The following FGD6 variants were observed in gnomAD, a reference collection of about 807,000 sequenced individuals.
The protein encoded by FGD6 is FYVE, RhoGEF and PH domain-containing protein 6.
Under a neutral mutation model 149.4 loss-of-function variants are expected in FGD6, and 90 were observed. That is an observed-to-expected ratio of 0.60 (90% confidence interval 0.51 to 0.72). The LOEUF (loss-of-function observed/expected upper bound fraction) is 0.72, where lower values mean the gene tolerates loss of function less well. Ranked by LOEUF, FGD6 falls within the 30% of genes least tolerant of loss-of-function variation. FGD6 has a pLI of 0.00. For missense variants in FGD6, 1,437 were observed against 1,684.8 expected, an observed-to-expected ratio of 0.85 and a Z score of 2.57; for synonymous variants, 527 against 584.0, an observed-to-expected ratio of 0.90 and a Z score of 1.41.
intron 2 of FGD6, among the ~76,000 whole-genome samples, chr12:95,195,962 A>G (rs188531079): frequency 2.6e-5 from 4 of 152,078 alleles, no homozygotes; most frequent in Admixed American, 2.0e-4. Flanking sequence ...TTTCTACTAA[A>G]TATATAAAAA....
intron 2 of FGD6, among the ~76,000 whole-genome samples, chr12:95,190,508 T>C (rs574671816): frequency 1.3e-4 from 20 of 152,312 alleles, no homozygotes; most frequent in African/African-American, 4.6e-4. Flanking sequence ...TAAAAGATTT[T>C]ATAGCTCTTA....
At chr12:95,162,162 G>C (rs972589820) in intron 3 of FGD6, among the ~76,000 whole-genome samples, 6 of 150,640 alleles carry the variant, frequency 4.0e-5, no homozygotes, top group Admixed American at 2.6e-4. Flanking sequence ...AATCACTTGA[G>C]AGACTGAGGT....
At chr12:95,089,480 C>T in intron 18 of FGD6, 89 bp downstream of exon 18, 2 of 1,441,082 alleles carry the variant, frequency 1.4e-6, no homozygotes, top group East Asian at 2.4e-5. Flanking sequence ...TGGGAAATGA[C>T]ATCTTCCTTT....
rs1314670821 is a variant in FGD6, at chr12:95,211,280, AAAT to A, written c.17-16_17-14del. On this transcript the variant is annotated splice_polypyrimidine_tract_variant and intron_variant, in intron 1 of 20. Transcript: ENST00000343958. ...GGCTTCTTTATCTCTAGAAAGGAAA[AAAT>A]AATAATTTGATGTCAAAACAACCAA... is the stretch of plus-strand genomic sequence containing the variant. 7 of 1,534,612 alleles carry A rather than the reference AAAT, an allele frequency of 4.6e-6. No homozygotes were observed. Among genetic ancestry groups the A allele is most frequent in the Non-Finnish European group, 5.2e-6 (6 of 1,151,062 alleles).
intron 2 of FGD6, among the ~76,000 whole-genome samples, chr12:95,206,700 A>G (rs2046728): frequency 0.76 from 99,008 of 129,874 alleles, 35,550 homozygotes; most frequent in Middle Eastern, 0.8. Flanking sequence ...TCTCCAAAGA[A>G]AAAAAAAAAA....
At chr12:95,159,288 T>C (rs1419449675) in intron 3 of FGD6, among the ~76,000 whole-genome samples, 1 of 152,064 alleles carries the variant, frequency 6.6e-6, no homozygotes, top group African/African-American at 2.4e-5. Context: ...CATACAAAAA[T>C]TAACTAAAAA....
At chr12:95,123,488 T>A (rs759972350) in intron 8 of FGD6, among the ~76,000 whole-genome samples, 5 of 151,958 alleles carry the variant, frequency 3.3e-5, no homozygotes, top group Non-Finnish European at 5.9e-5. Flanking sequence ...TCTCCCCAGG[T>A]CCCTTTTTAG....
intron 2 of FGD6, among the ~76,000 whole-genome samples, chr12:95,202,591 A>G (rs760934598): frequency 6.6e-6 from 1 of 151,904 alleles, no homozygotes; most frequent in Non-Finnish European, 1.5e-5. Context: ...ATAGGGTCTC[A>G]CCATGTTGCC....
intron 14 of FGD6, among the ~76,000 whole-genome samples, chr12:95,096,920 C>T (rs1032721613): frequency 2.6e-5 from 4 of 152,172 alleles, no homozygotes; most frequent in East Asian, 3.8e-4. Context: ...CCTCCCTCCC[C>T]GGCTCCTCAC....
chr12:95,188,613 C>T (rs1336750931), intron 2 of FGD6, among the ~76,000 whole-genome samples: 2 of 152,072 alleles, frequency 1.3e-5, no homozygotes, highest in African/African-American at 2.4e-5. Context: ...TCCAGTGGAA[C>T]GGAGGTGGAT....
chr12:95,167,232 C>T (rs1249253843), intron 3 of FGD6, among the ~76,000 whole-genome samples: 1 of 152,150 alleles, frequency 6.6e-6, no homozygotes, highest in African/African-American at 2.4e-5. Context: ...CATATGCTTT[C>T]ATATCTCTTG....
intron 20 of FGD6, among the ~76,000 whole-genome samples, chr12:95,083,948 T>G (rs1444052614): frequency 6.6e-6 from 1 of 152,216 alleles, no homozygotes; most frequent in African/African-American, 2.4e-5. Context: ...AAGTAAAGAT[T>G]CTTGCTGGAA....
At chr12:95,184,430 C>G (rs1221185914) in intron 2 of FGD6, among the ~76,000 whole-genome samples, 3 of 152,146 alleles carry the variant, frequency 2.0e-5, no homozygotes, top group Non-Finnish European at 4.4e-5. Flanking sequence ...AGATTCTATT[C>G]ACACAAATGA....
intron 6 of FGD6, among the ~76,000 whole-genome samples, chr12:95,138,815 A>C (rs1247699024): frequency 2.0e-5 from 3 of 152,036 alleles, no homozygotes; most frequent in Non-Finnish European, 2.9e-5. Context: ...TTCCCTGACC[A>C]CTCAAGCTTC....
intron 18 of FGD6, among the ~76,000 whole-genome samples, chr12:95,086,775 C>T (rs1173577349): frequency 4.0e-5 from 6 of 150,370 alleles, no homozygotes; most frequent in African/African-American, 9.8e-5. Flanking sequence ...CTCCATCTCC[C>T]GACCTTGTGA....
intron 5 of FGD6, among the ~76,000 whole-genome samples, chr12:95,142,445 T>G (rs1225476877): frequency 6.6e-6 from 1 of 151,932 alleles, no homozygotes; most frequent in African/African-American, 2.4e-5. Flanking sequence ...ACCCAGCCCA[T>G]TTTTCTATTT....
intron 20 of FGD6, among the ~76,000 whole-genome samples, chr12:95,083,644 G>GT (rs1877768045): frequency 6.6e-6 from 1 of 152,168 alleles, no homozygotes; most frequent in African/African-American, 2.4e-5. Context: ...GTCTTACAGA[G>GT]TGTGTGTAAC....
rs966267459 is a variant in FGD6 at position 95,211,220 on chromosome 12, T to C, written c.64A>G (p.Asn22Asp). ...ATAGGAGGTGGGGCTGGCTTATTAT[T>C]TGCCACAACAAACTTGGGCTTGGGG... is the stretch of plus-strand genomic sequence containing the variant. ...VAPKPKFVVA[N>D]NKPAPPPIAP... The change falls in exon 2 of 21, where the codon AAT (asparagine) becomes GAT (aspartate). Residue 22 changes from asparagine (N) to aspartate (D), a missense_variant. By Grantham distance (23) the Asn-to-Asp change is conservative. Around this residue, in one of 2 missense-constraint regions of FGD6, gnomAD observed 1,055 missense variants for 1,146.0 expected, o/e 0.92. Coordinates refer to ENST00000343958, the MANE Select transcript of FGD6 (RefSeq NM_018351.4). The C allele has an allele frequency of 8.1e-6, 13 of 1,607,814 alleles. No homozygotes were observed. The highest frequency in any genetic ancestry group is 1.0e-5 in the Non-Finnish European group (12 of 1,178,250).
chr12:95,114,821 TC>T (rs1489410324), intron 8 of FGD6, among the ~76,000 whole-genome samples: 1 of 152,118 alleles, frequency 6.6e-6, no homozygotes, highest in Admixed American at 6.6e-5. Context: ...TGCTACATGG[TC>T]CCTATCAATT....
Sources: allele counts gnomAD v4.1 joint callset (sites outside exome capture counted in the v4.1 genomes callset), GRCh38; gene constraint gnomAD v4.1.1; regional missense constraint gnomAD v4.1.1; transcripts MANE v1.5; gene names NCBI Gene and HGNC (gene_info 2026-07-23, HGNC 2026-07-21).